The following ANKFN1 variants were observed in gnomAD, a reference collection of about 807,000 sequenced individuals.
ANKFN1 encodes ankyrin repeat and fibronectin type III domain containing 1, also known as ankyrin repeat and fibronectin type-III domain-containing protein 1.
Under a neutral mutation model 108.7 loss-of-function variants are expected in ANKFN1, and 74 were observed. The ratio of observed to expected loss-of-function variants is 0.68; its 90% CI spans 0.56 to 0.83. The LOEUF is 0.83. ANKFN1 is among the 40% of genes least tolerant of loss of function. The pLI is 0.00. For missense variants in ANKFN1, 1,505 were observed against 1,382.3 expected (o/e 1.09, Z -1.41); for synonymous variants, 547 against 516.2 (o/e 1.06, Z -0.81).
At chr17:56,170,807 T>TATATACACACACACACACACACAC (rs1361307404) in intron 1 of ANKFN1, among the ~76,000 whole-genome samples, 26 of 61,442 alleles carry the variant, frequency 4.2e-4, no homozygotes, top group East Asian at 9.8e-4. Context: ...TATATATATA[T>TATATACACACACACACACACACAC]ACACACACAC....
intron 3 of ANKFN1, among the ~76,000 whole-genome samples, chr17:56,294,595 C>T (rs1345738290): frequency 6.6e-6 from 1 of 152,188 alleles, no homozygotes; most frequent in African/African-American, 2.4e-5. Context: ...TAGCCTAGTG[C>T]AGCACTTAGG....
chr17:56,136,229 T>C (rs1907593497), intron 4 of ANKFN1, among the ~76,000 whole-genome samples: 1 of 152,028 alleles, frequency 6.6e-6, no homozygotes, highest in South Asian at 2.1e-4. Context: ...CCCATGGAAA[T>C]GAATGGTGGA....
At chr17:56,369,958 CT>C (rs1215620262) in intron 6 of ANKFN1, among the ~76,000 whole-genome samples, 2 of 152,134 alleles carry the variant, frequency 1.3e-5, no homozygotes, top group Admixed American at 6.6e-5. Flanking sequence ...TTTGAAAACA[CT>C]TTCCATTCTT....
chr17:56,456,853 C>T lies in ANKFN1; in HGVS notation c.1208-8C>T, dbSNP rs2049723004. 1 of 1,611,722 alleles carries T rather than the reference C, an allele frequency of 6.2e-7. No homozygotes were observed. The highest frequency in any genetic ancestry group is 8.5e-7 in the Non-Finnish European group (1 of 1,178,044). ...AATTTATACTGTATTTTTTAAAATACATTCCAGAAAGCACAAAATTACAAA... is the reference window on the plus strand; with the variant it reads ...AATTTATACTGTATTTTTTAAAATATATTCCAGAAAGCACAAAATTACAAA... On this transcript the variant is annotated splice_region_variant and splice_polypyrimidine_tract_variant and intron_variant, in intron 11 of 20. Transcript: ENST00000682825.
At chr17:56,412,568 G>A (rs2048124122) in intron 8 of ANKFN1, among the ~76,000 whole-genome samples, 1 of 152,192 alleles carries the variant, frequency 6.6e-6, no homozygotes, top group South Asian at 2.1e-4. Flanking sequence ...GACTGGACTG[G>A]CTGATCTTCT....
In ANKFN1 at chr17:56,120,990, T is replaced by C. The variant is rs72829744; in HGVS notation, c.288+74665T>C. Among the ~76,000 whole-genome samples, 909 of 152,246 alleles carry C rather than the reference T, an allele frequency of 6.0e-3. 14 individuals are homozygous for C. Among genetic ancestry groups the C allele is most frequent in the Non-Finnish European group, 8.7e-3 (588 of 67,972 alleles). Reference sequence around the variant, plus strand: ...ATCGATTTTTCCCATTTCCCTGACATTTTAACCTATATCCTAGTCTTCCTA... The same window carrying C: ...ATCGATTTTTCCCATTTCCCTGACACTTTAACCTATATCCTAGTCTTCCTA... On this transcript the variant is annotated intron_variant, in intron 4 of 12. Coordinates refer to the ANKFN1 transcript ENST00000635860.
chr17:56,301,304 C>G (rs552202160), intron 3 of ANKFN1, among the ~76,000 whole-genome samples: 4 of 152,210 alleles, frequency 2.6e-5, no homozygotes, highest in African/African-American at 9.6e-5. Context: ...TCCTTCCTGG[C>G]AACATGCTCA....
intron 4 of ANKFN1, among the ~76,000 whole-genome samples, chr17:56,338,722 A>G (rs944507894): frequency 9.9e-5 from 15 of 152,008 alleles, no homozygotes; most frequent in African/African-American, 3.4e-4. Context: ...TGCTATAGAG[A>G]TTACATGATG....
intron 2 of ANKFN1, among the ~76,000 whole-genome samples, chr17:56,218,681 G>C (rs1320072695): frequency 3.3e-5 from 5 of 152,066 alleles, no homozygotes; most frequent in Admixed American, 1.3e-4. Flanking sequence ...GATCACCAGA[G>C]CCATCCTTCA....
chr17:56,203,767 G>C (rs969088201), intron 1 of ANKFN1, among the ~76,000 whole-genome samples: 3 of 152,190 alleles, frequency 2.0e-5, no homozygotes, highest in African/African-American at 4.8e-5. Flanking sequence ...AGACAGAAAT[G>C]TTGGCAAAGA....
At chr17:56,269,816 G>A (rs777372174) in intron 3 of ANKFN1, among the ~76,000 whole-genome samples, 10 of 152,138 alleles carry the variant, frequency 6.6e-5, no homozygotes, top group Admixed American at 1.3e-4. Flanking sequence ...AAATTGCACC[G>A]TGTTTGGGGC....
intron 3 of ANKFN1, among the ~76,000 whole-genome samples, chr17:56,234,088 C>G (rs1317707530): frequency 6.6e-6 from 1 of 152,056 alleles, no homozygotes; most frequent in Non-Finnish European, 1.5e-5. Flanking sequence ...AGACAATCAA[C>G]AAAACAATAA....
At chr17:56,199,853 A>G (rs1001121021) in intron 1 of ANKFN1, among the ~76,000 whole-genome samples, 2 of 152,182 alleles carry the variant, frequency 1.3e-5, no homozygotes, top group Admixed American at 6.5e-5. Flanking sequence ...TTCACTGGGA[A>G]TCCTGTGTTT....
intron 3 of ANKFN1, among the ~76,000 whole-genome samples, chr17:56,294,000 G>A (rs903868538): frequency 1.3e-5 from 2 of 152,278 alleles, no homozygotes; most frequent in Admixed American, 6.5e-5. Context: ...CGCAAAGGAG[G>A]AATCCTTTAG....
At chr17:56,302,379 G>T (rs2044695523) in intron 3 of ANKFN1, among the ~76,000 whole-genome samples, 1 of 151,964 alleles carries the variant, frequency 6.6e-6, no homozygotes, top group South Asian at 2.1e-4. Flanking sequence ...TAAAAACTTA[G>T]CCAGGCATGG....
chr17:56,127,890 T>G (rs1175972937), intron 4 of ANKFN1, among the ~76,000 whole-genome samples: 1 of 152,224 alleles, frequency 6.6e-6, no homozygotes, highest in Non-Finnish European at 1.5e-5. Context: ...CAAAGATGTT[T>G]GTTGGTATCT....
intron 1 of ANKFN1, among the ~76,000 whole-genome samples, chr17:56,168,792 T>C (rs569005605): frequency 6.6e-6 from 1 of 152,316 alleles, no homozygotes; most frequent in South Asian, 2.1e-4. Flanking sequence ...ATATAGGTGC[T>C]AATGAATCCC....
chr17:56,183,786 G>A (rs1911917403), intron 1 of ANKFN1, among the ~76,000 whole-genome samples: 1 of 152,180 alleles, frequency 6.6e-6, no homozygotes, highest in South Asian at 2.1e-4. Context: ...AACACCACCA[G>A]CATTTGGAAG....
At position 56,516,575 on chromosome 17, in the gene ANKFN1, AT is replaced by A. The variant is rs2051922973; in HGVS notation, c.*5313del. Among the ~76,000 whole-genome samples, 2 of 152,186 alleles carry A rather than the reference AT, an allele frequency of 1.3e-5. No individual in the cohort carries two copies. ...TGTGACTTCCACTCTTGAAACAATA[AT>A]TTTTTTGTATGTACATTTGAAAACT... is the stretch of plus-strand genomic sequence containing the variant. On this transcript the variant is annotated 3_prime_UTR_variant, in exon 21 of 21. Transcript: ENST00000682825.
Sources: gnomAD v4.1 joint callset for allele counts (sites outside exome capture counted in the v4.1 genomes callset) on GRCh38, gnomAD v4.1.1 for gene constraint, MANE v1.5 for transcripts, NCBI Gene and HGNC (gene_info 2026-07-23, HGNC 2026-07-21) for gene names.